FAM120C: variants seen among roughly 807,000 people sequenced by gnomAD.
FAM120C encodes the protein family with sequence similarity 120 member C.
A neutral mutation model predicts 71.2 loss-of-function variants in FAM120C; 14 were observed. The ratio of observed to expected loss-of-function variants is 0.20; its 90% CI spans 0.13 to 0.31. FAM120C has a LOEUF of 0.31. FAM120C is among the 10% of genes least tolerant of loss of function. The probability of loss-of-function intolerance (pLI) is 1.00; values close to 1 mark genes in which losing one functional copy is unlikely to be tolerated. For synonymous variants in FAM120C, 354 were observed against 353.2 expected (o/e 1.00, Z -0.03); for missense variants, 500 against 879.0 (o/e 0.57, Z 5.45).
intron 4 of FAM120C, among the ~76,000 whole-genome samples, chrX:54,137,254 A>AT (rs782260170): frequency 1.8e-5 from 2 of 109,647 alleles, no homozygotes; most frequent in Non-Finnish European, 3.8e-5. Flanking sequence ...TGCCCGGCCA[A>AT]TTTTTTTTTA....
chrX:54,130,145 A>ACCGTG (rs1457091499), intron 9 of FAM120C, among the ~76,000 whole-genome samples: 1 of 87,674 alleles, frequency 1.1e-5, no homozygotes, highest in African/African-American at 4.4e-5. Flanking sequence ...GGAGAGGGAG[A>ACCGTG]GGGAGAGGGA....
chrX:54,146,996 T>C (rs781852955), intron 4 of FAM120C, among the ~76,000 whole-genome samples: 72 of 111,970 alleles, frequency 6.4e-4, no homozygotes, highest in Non-Finnish European at 1.1e-3. Flanking sequence ...TGTTCTAAAA[T>C]GTGAAGTGCA....
Position 54,132,750 on chromosome X carries a change from C to G in FAM120C, c.2004G>C (p.Leu668=). 1.7e-6 allele frequency: 2 copies of G among 1,208,794 alleles called. No individual in the cohort carries two copies. The highest frequency in any genetic ancestry group is 2.2e-6 in the Non-Finnish European group (2 of 894,321). The change falls in exon 9 of 16, where the codon CTG becomes CTC. Residue 668 remains leucine (L), a synonymous_variant. Transcript: ENST00000375180. The part of the protein sequence containing the change: ...RQYVYGVLFS[L]AETQRKMERL... ...GTTCCATTTTCCTCTGTGTCTCTGC[C>G]AGACTAAAAAGAACTCCATATACAT... is the stretch of plus-strand genomic sequence containing the variant.
chrX:54,081,359 C>T lies in FAM120C; in HGVS notation c.2941G>A (p.Gly981Ser), dbSNP rs781971023. Residue 981 changes from glycine to serine, a missense_variant, in exon 14 of 16, where the codon GGC becomes AGC. Gly to Ser is a moderately conservative substitution (Grantham distance 56). Transcript: ENST00000375180. ...CCACCGACAGAAACCACTTGCATGC[C>T]GAAGGATCCTCGGCCCCTGGAGGAT... ...SRSSRGRGSF[G>S]MQVVSVGGPG... The T allele has an allele frequency of 1.2e-5, 14 of 1,206,955 alleles. No individual in the cohort carries two copies. Among genetic ancestry groups the T allele is most frequent in the South Asian group, 5.3e-5 (3 of 56,465 alleles).
chrX:54,084,674 CA>C (rs782227930), intron 13 of FAM120C, among the ~76,000 whole-genome samples: 1 of 98,934 alleles, frequency 1.0e-5, no homozygotes, highest in Admixed American at 1.1e-4. Context: ...ACTAAAAATA[CA>C]AAAATTAGCC....
chrX:54,089,706 A>C (rs2066813551), intron 11 of FAM120C, among the ~76,000 whole-genome samples: 1 of 111,025 alleles, frequency 9.0e-6, no homozygotes, highest in South Asian at 3.9e-4. Flanking sequence ...TCATGCCTGT[A>C]ATCCCAGCAC....
intron 11 of FAM120C, among the ~76,000 whole-genome samples, chrX:54,089,296 A>G (rs890754128): frequency 3.6e-5 from 4 of 111,734 alleles, no homozygotes; most frequent in Non-Finnish European, 5.6e-5. Flanking sequence ...TACCTCAACT[A>G]TGTAAAAAAT....
chrX:54,166,436 G>T (rs1285991964), intron 1 of FAM120C, among the ~76,000 whole-genome samples: 1 of 112,117 alleles, frequency 8.9e-6, no homozygotes, highest in Non-Finnish European at 1.9e-5. Flanking sequence ...GCCTAAGTGT[G>T]AGCAACTCCT....
chrX:54,163,940 T>TA (rs2067247116), intron 1 of FAM120C, among the ~76,000 whole-genome samples: 1 of 103,292 alleles, frequency 9.7e-6, no homozygotes, highest in Non-Finnish European at 2.0e-5. Flanking sequence ...ATATATATAT[T>TA]TTTTTTTTTT....
intron 1 of FAM120C, chrX:54,171,710 C>T (rs1179600661): frequency 1.8e-5 from 2 of 111,814 alleles, no homozygotes; most frequent in Non-Finnish European, 3.8e-5. Flanking sequence ...TGGAAAACAG[C>T]TGTTTAGAAA....
intron 4 of FAM120C, among the ~76,000 whole-genome samples, chrX:54,139,000 A>T (rs1557131146): frequency 8.9e-6 from 1 of 112,252 alleles, no homozygotes; most frequent in Admixed American, 9.5e-5. Flanking sequence ...ATATTTCATC[A>T]AGTGGAATGG....
At chrX:54,163,768 T>C (rs1464907859) in intron 1 of FAM120C, among the ~76,000 whole-genome samples, 2 of 110,386 alleles carry the variant, frequency 1.8e-5, no homozygotes, top group East Asian at 5.6e-4. Context: ...AACTTTTTAT[T>C]ATGGAAAATT....
At chrX:54,113,468 C>CA (rs1307655008) in intron 10 of FAM120C, among the ~76,000 whole-genome samples, 1 of 108,664 alleles carries the variant, frequency 9.2e-6, no homozygotes, top group Non-Finnish European at 1.9e-5. Context: ...TCAAAAAAAA[C>CA]ACCTCAAAAG....
chrX:54,181,750 A>G (rs1425355474), intron 1 of FAM120C, among the ~76,000 whole-genome samples: 8 of 112,100 alleles, frequency 7.1e-5, no homozygotes, highest in Non-Finnish European at 1.5e-4. Flanking sequence ...CACATACAGA[A>G]AACAGGAACT....
chrX:54,169,091 G>A (rs1290380940), intron 1 of FAM120C, among the ~76,000 whole-genome samples: 2 of 111,118 alleles, frequency 1.8e-5, no homozygotes, highest in Non-Finnish European at 3.8e-5. Flanking sequence ...CCTGAGCCGA[G>A]GATTCCAGCC....
intron 13 of FAM120C, among the ~76,000 whole-genome samples, chrX:54,085,386 G>A (rs971942796): frequency 3.6e-5 from 4 of 111,733 alleles, no homozygotes; most frequent in South Asian, 3.7e-4. Flanking sequence ...TCAGGAGTTC[G>A]AGACCAGCCT....
chrX:54,072,939 G>A lies in FAM120C; in HGVS notation c.*94C>T, dbSNP rs1312724022. ...CCACCAAAATCCTGGAGAAATCTAG[G>A]GTAAGCATTTATATCCTCCTCTAGC... is the stretch of plus-strand genomic sequence containing the variant. On this transcript the variant is annotated 3_prime_UTR_variant, in exon 16 of 16. Coordinates refer to ENST00000375180, the MANE Select transcript of FAM120C (RefSeq NM_017848.6). 2 of 1,038,355 alleles carry A rather than the reference G, an allele frequency of 1.9e-6. No individual in the cohort carries two copies. Among genetic ancestry groups the A allele is most frequent in the South Asian group, 2.5e-5 (1 of 40,487 alleles). 85.6% of individuals were successfully genotyped at this position (1,038,355 alleles called of 1,213,427 possible). A position where few individuals can be genotyped will look rare whatever the true frequency, so the allele number is the denominator to read the frequency against.
chrX:54,155,432 T>C (rs985185775), intron 3 of FAM120C, among the ~76,000 whole-genome samples: 2 of 111,694 alleles, frequency 1.8e-5, no homozygotes, highest in Non-Finnish European at 3.8e-5. Context: ...CTGTGTCAAA[T>C]GCTGCTGACT....
chrX:54,169,765 T>C (rs1043647295), intron 1 of FAM120C, among the ~76,000 whole-genome samples: 2 of 112,189 alleles, frequency 1.8e-5, no homozygotes, highest in African/African-American at 6.5e-5. Flanking sequence ...AATAGAAATA[T>C]AGATGATTTA....
Sources: gnomAD v4.1 joint callset for allele counts (sites outside exome capture counted in the v4.1 genomes callset) on GRCh38, gnomAD v4.1.1 for gene constraint, MANE v1.5 for transcripts, NCBI Gene and HGNC (gene_info 2026-07-23, HGNC 2026-07-21) for gene names.